Variants in DTWD2 observed in about 807,000 individuals in gnomAD.
DTWD2 encodes the protein DTW motif tRNA-uridine aminocarboxypropyltransferase 2, also known as tRNA-uridine aminocarboxypropyltransferase 2.
In DTWD2, 39 loss-of-function variants were observed where a neutral mutation model predicts 31.8. The ratio of observed to expected loss-of-function variants is 1.22; its 90% CI spans 0.95 to 1.60. DTWD2 has a LOEUF of 1.60. Among genes scored for constraint, DTWD2 ranks in the 40% most tolerant of loss-of-function variants. The pLI is 0.00. For synonymous variants in DTWD2, 180 were observed against 142.8 expected, an observed-to-expected ratio of 1.26 and a Z score of -1.86; for missense variants, 515 against 381.5, an observed-to-expected ratio of 1.35 and a Z score of -2.92.
chr5:118,954,281 A>T (rs1754536251), intron 1 of DTWD2, among the ~76,000 whole-genome samples: 1 of 152,090 alleles, frequency 6.6e-6, no homozygotes, highest in Non-Finnish European at 1.5e-5. Flanking sequence ...GCAATGAATC[A>T]ATCAATCAAT....
intron 1 of DTWD2, among the ~76,000 whole-genome samples, chr5:118,948,462 C>A (rs1754388423): frequency 6.6e-6 from 1 of 152,000 alleles, no homozygotes; most frequent in Non-Finnish European, 1.5e-5. Flanking sequence ...GCCTGGGCGA[C>A]AAAGCAAGAC....
At chr5:118,898,311 A>G (rs1456881576) in intron 4 of DTWD2, among the ~76,000 whole-genome samples, 1 of 152,196 alleles carries the variant, frequency 6.6e-6, no homozygotes. Flanking sequence ...GGCAAAAACA[A>G]AAAAATTAAT....
chr5:118,858,582 T>G (rs535815850), intron 4 of DTWD2, among the ~76,000 whole-genome samples: 2 of 152,218 alleles, frequency 1.3e-5, no homozygotes, highest in Admixed American at 1.3e-4. Context: ...GTATGTATTA[T>G]GCAGATTCCA....
At position 118,837,036 on chromosome 5, in the gene DTWD2, C is replaced by T. The variant is rs763997836; in HGVS notation, c.*3881G>A. 6.6e-6 allele frequency among the ~76,000 whole-genome samples: 1 copy of T among 152,080 alleles called. No individual in the cohort carries two copies. Among genetic ancestry groups the T allele is most frequent in the Admixed American group, 6.5e-5 (1 of 15,268 alleles). On this transcript the variant is annotated 3_prime_UTR_variant, in exon 6 of 6. Coordinates refer to ENST00000510708, the MANE Select transcript of DTWD2 (RefSeq NM_173666.4). ...TAAACTGTTAAGACCACTACAGTAT[C>T]TTTTGTTTAAAAACATGCTATGTAA...
intron 5 of DTWD2, among the ~76,000 whole-genome samples, 184 bp from the exon 6 acceptor site, chr5:118,841,271 C>T (rs1561421055): frequency 6.6e-6 from 1 of 152,072 alleles, no homozygotes; most frequent in African/African-American, 2.4e-5. Flanking sequence ...CTTTAAAATT[C>T]ATGCCTTAAT....
rs537279721 is a variant in DTWD2 at position 118,849,881 on chromosome 5, T to C, written c.598-1663A>G. ...TCACACACCAGGGCCTGTTGGGGGG[T>C]GTGGGGGCTATGGGAGGGATAACAT... On this transcript the variant is annotated intron_variant, in intron 4 of 5. Transcript: ENST00000510708. Among the ~76,000 whole-genome samples, 17 of 150,812 alleles carry C rather than the reference T, an allele frequency of 1.1e-4. No homozygotes were observed. The South Asian group carries it at 3.4e-3, about 30-fold the overall frequency.
At chr5:118,863,106 T>C (rs1203562233) in intron 4 of DTWD2, among the ~76,000 whole-genome samples, 5 of 152,240 alleles carry the variant, frequency 3.3e-5, no homozygotes, top group African/African-American at 1.2e-4. Context: ...TATTCTGTTA[T>C]ATATAGGCAA....
chr5:118,911,906 G>A (rs1472886737), intron 4 of DTWD2, among the ~76,000 whole-genome samples: 1 of 152,182 alleles, frequency 6.6e-6, no homozygotes, highest in Non-Finnish European at 1.5e-5. Context: ...GTGTGGGTGT[G>A]CATTTGGTGC....
intron 1 of DTWD2, among the ~76,000 whole-genome samples, chr5:118,981,566 T>C (rs1755301400): frequency 6.6e-6 from 1 of 151,154 alleles, no homozygotes; most frequent in Admixed American, 6.6e-5. Flanking sequence ...ATCCAACCCC[T>C]CCCTCTCTCT....
intron 1 of DTWD2, among the ~76,000 whole-genome samples, chr5:118,958,113 A>C (rs1754628252): frequency 6.6e-6 from 1 of 152,138 alleles, no homozygotes; most frequent in African/African-American, 2.4e-5. Context: ...AATTAATATA[A>C]GTTTTCATGT....
chr5:118,895,066 G>C (rs1753052736), intron 4 of DTWD2, among the ~76,000 whole-genome samples: 1 of 152,042 alleles, frequency 6.6e-6, no homozygotes, highest in South Asian at 2.1e-4. Flanking sequence ...AAAAAGTCAA[G>C]TCAAATTAGC....
chr5:118,879,515 C>T (rs955163375), intron 4 of DTWD2, among the ~76,000 whole-genome samples: 1 of 147,884 alleles, frequency 6.8e-6, no homozygotes, highest in East Asian at 2.0e-4. Flanking sequence ...TAGGCTGAGG[C>T]AGGAGAATCA....
chr5:118,965,709 G>A (rs910306280), intron 1 of DTWD2, among the ~76,000 whole-genome samples: 1 of 152,156 alleles, frequency 6.6e-6, no homozygotes, highest in African/African-American at 2.4e-5. Flanking sequence ...GGTGCAAGAT[G>A]TGCTTTGTTA....
At chr5:118,913,671 A>T (rs1753510344) in intron 4 of DTWD2, among the ~76,000 whole-genome samples, 1 of 151,972 alleles carries the variant, frequency 6.6e-6, no homozygotes, top group Non-Finnish European at 1.5e-5. Flanking sequence ...CTAACTAAAG[A>T]AGTGAATAAC....
intron 1 of DTWD2, among the ~76,000 whole-genome samples, chr5:118,979,174 G>A (rs545513332): frequency 6.9e-4 from 105 of 151,182 alleles, no homozygotes; most frequent in Middle Eastern, 3.6e-3. Flanking sequence ...CATGGTGGCG[G>A]GCACCTGTAG....
Position 118,837,977 on chromosome 5 carries a change from C to G in DTWD2, c.*2940G>C, listed in dbSNP as rs921753988. 2.0e-5 allele frequency: 3 copies of G among 152,012 alleles called. No individual in the cohort carries two copies. The highest frequency in any genetic ancestry group is 7.2e-5 in the African/African-American group (3 of 41,390). The allele number at this position is 152,012 out of a possible 1,614,324, so 9.4% of individuals were successfully genotyped here. A position where few individuals can be genotyped will look rare whatever the true frequency, so the allele number is the denominator to read the frequency against. The stretch of plus-strand genomic sequence containing the variant: ...GGTATAGTGAGGAGCTTATTTCTTC[C>G]AAAATATATGAAAAATATTACTGGT... On this transcript the variant is annotated 3_prime_UTR_variant, in exon 6 of 6. Coordinates refer to ENST00000510708, the MANE Select transcript of DTWD2 (RefSeq NM_173666.4).
chr5:118,974,260 C>T (rs1263382519), intron 1 of DTWD2: 10 of 763,930 alleles, frequency 1.3e-5, no homozygotes, highest in African/African-American at 1.8e-5. Context: ...CAGTGCCACC[C>T]GCAGATGACA....
intron 4 of DTWD2, among the ~76,000 whole-genome samples, chr5:118,860,441 G>C (rs1296124824): frequency 6.6e-6 from 1 of 151,668 alleles, no homozygotes; most frequent in Non-Finnish European, 1.5e-5. Flanking sequence ...TATTCAAACA[G>C]TCCACATTTT....
chr5:118,957,776 T>C (rs113712227), intron 1 of DTWD2, among the ~76,000 whole-genome samples: 2,413 of 152,282 alleles, frequency 0.016, 56 homozygotes, highest in African/African-American at 0.039. Flanking sequence ...TGGACTTGCA[T>C]CTTACTATCC....
Sources: gnomAD v4.1 joint callset for allele counts (sites outside exome capture counted in the v4.1 genomes callset) on GRCh38, gnomAD v4.1.1 for gene constraint, MANE v1.5 for transcripts, NCBI Gene and HGNC (gene_info 2026-07-23, HGNC 2026-07-21) for gene names.